Variants in GRM1 observed in about 807,000 individuals in gnomAD.
The protein encoded by GRM1 is glutamate metabotropic receptor 1.
Under a neutral mutation model 90.9 loss-of-function variants are expected in GRM1, and 33 were observed. That is an observed-to-expected ratio of 0.36 (90% CI 0.28 to 0.49). GRM1 has a LOEUF of 0.49. GRM1 is among the 20% of genes least tolerant of loss of function. The pLI, the probability that GRM1 is intolerant of heterozygous loss-of-function variation, is 0.99. For synonymous variants in GRM1, 700 were observed against 613.2 expected (o/e 1.14, Z -2.09); for missense variants, 1,190 against 1,534.3 (o/e 0.78, Z 3.75).
intron 2 of GRM1, among the ~76,000 whole-genome samples, chr6:146,266,259 G>A (rs772612984): frequency 2.0e-5 from 3 of 151,876 alleles, no homozygotes; most frequent in Non-Finnish European, 4.4e-5. Flanking sequence ...AAATAATCCA[G>A]CATGAAATGA....
At chr6:146,181,271 T>C (rs2114546343) in intron 2 of GRM1, among the ~76,000 whole-genome samples, 1 of 151,396 alleles carries the variant, frequency 6.6e-6, no homozygotes, top group Non-Finnish European at 1.5e-5. Context: ...ACAACAAAAA[T>C]CCACAAATTC....
intron 2 of GRM1, among the ~76,000 whole-genome samples, chr6:146,197,757 A>G (rs1779170207): frequency 1.3e-5 from 2 of 152,262 alleles, no homozygotes; most frequent in Admixed American, 1.3e-4. Flanking sequence ...AATGAAAAAC[A>G]GCATATTTAC....
chr6:146,087,363 T>G lies in GRM1; in HGVS notation c.700+57146T>G, dbSNP rs144164701. On this transcript the variant is annotated intron_variant, in intron 1 of 7. Transcript: ENST00000282753. Reference sequence around the variant, plus strand: ...ACTATCTTACATAACCACAGTACCATGTCAAAACCAGGAAACTAACATTGG... The same window carrying G: ...ACTATCTTACATAACCACAGTACCAGGTCAAAACCAGGAAACTAACATTGG... Among the ~76,000 whole-genome samples, 3 of 152,264 alleles carry G rather than the reference T, an allele frequency of 2.0e-5. No individual in the cohort carries two copies. The East Asian group carries it at 5.8e-4, about 29-fold the overall frequency.
intron 2 of GRM1, among the ~76,000 whole-genome samples, chr6:146,251,251 C>T (rs1781260464): frequency 6.6e-6 from 1 of 152,168 alleles, no homozygotes. Flanking sequence ...TAAATACTGA[C>T]TCCATGTCTA....
At chr6:146,267,889 A>G (rs1216405141) in intron 2 of GRM1, among the ~76,000 whole-genome samples, 1 of 152,174 alleles carries the variant, frequency 6.6e-6, no homozygotes, top group Non-Finnish European at 1.5e-5. Flanking sequence ...AGACACACTC[A>G]GGATTAATAC....
chr6:146,242,394 C>A (rs1279919909), intron 2 of GRM1, among the ~76,000 whole-genome samples: 1 of 151,990 alleles, frequency 6.6e-6, no homozygotes, highest in Non-Finnish European at 1.5e-5. Context: ...GAAGGAGGAC[C>A]AGATGTTGAG....
chr6:146,245,280 G>A (rs1451420480), intron 2 of GRM1, among the ~76,000 whole-genome samples: 1 of 152,160 alleles, frequency 6.6e-6, no homozygotes, highest in Non-Finnish European at 1.5e-5. Flanking sequence ...AGTAGGAAGT[G>A]TGGCAGCAAC....
intron 1 of GRM1, among the ~76,000 whole-genome samples, chr6:146,073,981 CATAAT>C (rs1776101011): frequency 6.6e-6 from 1 of 152,044 alleles, no homozygotes. Flanking sequence ...TGGTAGTTAA[CATAAT>C]GTATGAATTC....
chr6:146,102,568 T>G (rs2128870911), intron 1 of GRM1, among the ~76,000 whole-genome samples: 1 of 152,318 alleles, frequency 6.6e-6, no homozygotes, highest in Non-Finnish European at 1.5e-5. Flanking sequence ...GCAGATTTCT[T>G]TGCATTCTGG....
At chr6:146,121,869 G>T (rs893251501) in intron 1 of GRM1, among the ~76,000 whole-genome samples, 1 of 152,152 alleles carries the variant, frequency 6.6e-6, no homozygotes, top group African/African-American at 2.4e-5. Flanking sequence ...GTCAATTTTG[G>T]AATAAGTGCA....
chr6:146,280,580 A>G (rs539221768), intron 2 of GRM1, among the ~76,000 whole-genome samples: 2 of 152,070 alleles, frequency 1.3e-5, no homozygotes, highest in Non-Finnish European at 2.9e-5. Context: ...TACATAATGG[A>G]TTGTATCCCC....
At chr6:146,037,048 A>G (rs1790916802) in intron 1 of GRM1, among the ~76,000 whole-genome samples, 1 of 152,034 alleles carries the variant, frequency 6.6e-6, no homozygotes, top group Non-Finnish European at 1.5e-5. Flanking sequence ...TATGGGAAAT[A>G]CTGTATGCAT....
chr6:146,065,313 G>T (rs1032206301), intron 1 of GRM1, among the ~76,000 whole-genome samples: 1 of 152,172 alleles, frequency 6.6e-6, no homozygotes, highest in Non-Finnish European at 1.5e-5. Flanking sequence ...TGTACTCAGT[G>T]TCTCAAAACC....
chr6:146,363,583 G>A (rs1775573003), intron 5 of GRM1, among the ~76,000 whole-genome samples: 1 of 152,146 alleles, frequency 6.6e-6, no homozygotes, highest in Non-Finnish European at 1.5e-5. Context: ...ATGTGTCTAT[G>A]TATGTGTATG....
chr6:146,349,302 C>T (rs765935762), intron 3 of GRM1, among the ~76,000 whole-genome samples: 14 of 150,196 alleles, frequency 9.3e-5, no homozygotes, highest in South Asian at 4.2e-4. Context: ...AGGATGGTCT[C>T]GATCTCCTGA....
intron 3 of GRM1, among the ~76,000 whole-genome samples, chr6:146,351,583 T>G (rs1396837428): frequency 3.3e-5 from 5 of 152,184 alleles, no homozygotes; most frequent in Non-Finnish European, 5.9e-5. Context: ...TTGCAGGGTT[T>G]TTGAAATTCA....
In GRM1 at chr6:146,302,581, G is replaced by A. The variant is rs371074963; in HGVS notation, c.951-2030G>A. 2.3e-4 allele frequency among the ~76,000 whole-genome samples: 35 copies of A among 151,476 alleles called. No individual in the cohort carries two copies. The East Asian group carries it at 3.9e-3, about 17-fold the overall frequency. On this transcript the variant is annotated intron_variant, in intron 2 of 7. Transcript: ENST00000282753. ...TTTATTTATTTATTTTGTAGAGATG[G>A]GGTTTTTCCATGTTGCCTAGGCTGG...
chr6:146,112,125 T>C (rs548309896), intron 1 of GRM1, among the ~76,000 whole-genome samples: 2 of 152,308 alleles, frequency 1.3e-5, no homozygotes, highest in South Asian at 4.1e-4. Context: ...GCTGCCTGAT[T>C]CTGCCCATTT....
At chr6:146,396,065 C>CCTT (rs1288693314) in intron 6 of GRM1, among the ~76,000 whole-genome samples, 1 of 45,492 alleles carries the variant, frequency 2.2e-5, no homozygotes, top group Non-Finnish European at 5.5e-5. Context: ...TCCTACCTAT[C>CCTT]CATCATCTAT....
Sources: allele counts gnomAD v4.1 joint callset (sites outside exome capture counted in the v4.1 genomes callset), GRCh38; gene constraint gnomAD v4.1.1; transcripts MANE v1.5; gene names NCBI Gene and HGNC (gene_info 2026-07-23, HGNC 2026-07-21).